FBXL2: variants seen among roughly 807,000 people sequenced by gnomAD.
The protein encoded by FBXL2 is F-box/LRR-repeat protein 2.
A neutral mutation model predicts 69.2 loss-of-function variants in FBXL2; 38 were observed. The ratio of observed to expected loss-of-function variants is 0.55; its 90% confidence interval spans 0.42 to 0.72. The LOEUF is 0.72. Ranked by LOEUF, FBXL2 falls within the 30% of genes least tolerant of loss-of-function variation. The pLI, the probability that FBXL2 is intolerant of heterozygous loss-of-function variation, is 0.00. For synonymous variants in FBXL2, 192 were observed against 201.3 expected, an observed-to-expected ratio of 0.95 and a Z score of 0.39; for missense variants, 354 against 520.3, an observed-to-expected ratio of 0.68 and a Z score of 3.11.
chr3:33,286,591 A>G (rs935722513), intron 1 of FBXL2, among the ~76,000 whole-genome samples: 3 of 152,264 alleles, frequency 2.0e-5, no homozygotes, highest in Admixed American at 1.3e-4. Context: ...TTAAGTCTGC[A>G]GAAGTTTCTG....
At chr3:33,379,292 G>A (rs765941418) in intron 13 of FBXL2, among the ~76,000 whole-genome samples, 7 of 151,376 alleles carry the variant, frequency 4.6e-5, no homozygotes, top group Non-Finnish European at 8.8e-5. Context: ...GTGAGCTACC[G>A]CACCTGACCT....
At chr3:33,404,807 G>A (rs901809854), downstream of FBXL2, among the ~76,000 whole-genome samples, 3 of 151,954 alleles carry the variant, frequency 2.0e-5, no homozygotes, top group African/African-American at 2.4e-5. Context: ...AATGTCCCTG[G>A]GATTTTTGAC....
chr3:33,302,942 T>G, intron 2 of FBXL2: 1 of 273,526 alleles, frequency 3.7e-6, no homozygotes, highest in Admixed American at 4.1e-5. Flanking sequence ...TGAAAATCAT[T>G]ATGGTTTTTG....
chr3:33,400,062 C>T (rs2044163252), intron 12 of FBXL2: 3 of 526,642 alleles, frequency 5.7e-6, no homozygotes, highest in Non-Finnish European at 9.2e-6. Context: ...AAGAACTTCT[C>T]TGTACATTTT....
At chr3:33,393,397 G>C (rs751356159) in intron 12 of FBXL2, 10 of 1,612,734 alleles carry the variant, frequency 6.2e-6, no homozygotes, top group African/African-American at 1.3e-5. Context: ...AAACACCAGC[G>C]CAAGTTTTCG....
chr3:33,350,763 G>T (rs1028016961), intron 2 of FBXL2, among the ~76,000 whole-genome samples: 2 of 152,000 alleles, frequency 1.3e-5, no homozygotes, highest in South Asian at 4.1e-4. Flanking sequence ...TGAGAAACTA[G>T]ATGCTTTCTC....
chr3:33,314,815 A>G (rs1001514263), intron 2 of FBXL2, among the ~76,000 whole-genome samples: 19 of 152,326 alleles, frequency 1.2e-4, no homozygotes, highest in African/African-American at 4.3e-4. Context: ...AAGTTTTCCA[A>G]AATTCTAACT....
At chr3:33,338,897 A>G (rs2039791668) in intron 2 of FBXL2, among the ~76,000 whole-genome samples, 1 of 152,194 alleles carries the variant, frequency 6.6e-6, no homozygotes. Context: ...CTCCAAAAGC[A>G]ATTGCAGCAA....
intron 9 of FBXL2, among the ~76,000 whole-genome samples, chr3:33,374,496 G>A (rs2042508179): frequency 6.6e-6 from 1 of 152,178 alleles, no homozygotes; most frequent in East Asian, 1.9e-4. Flanking sequence ...TAGATTTTGA[G>A]AAAGGTAAGG....
chr3:33,367,158 C>T (rs2042006784), intron 5 of FBXL2, among the ~76,000 whole-genome samples: 1 of 151,668 alleles, frequency 6.6e-6, no homozygotes, highest in Non-Finnish European at 1.5e-5. Context: ...TGCAATGGCA[C>T]AGTCTTGGCT....
At chr3:33,357,574 G>A (rs922875547) in intron 2 of FBXL2, among the ~76,000 whole-genome samples, 3 of 131,920 alleles carry the variant, frequency 2.3e-5, no homozygotes, top group African/African-American at 5.8e-5. Flanking sequence ...CTGTCGCCCA[G>A]GTTGGAGTGC....
At position 33,378,991 on chromosome 3, in the gene FBXL2, A is replaced by G. The variant is rs547148343; in HGVS notation, c.951+250A>G. Among the ~76,000 whole-genome samples, 10 of 152,240 alleles carry G rather than the reference A, an allele frequency of 6.6e-5. No homozygotes were observed. In the South Asian group the frequency reaches 2.1e-3, roughly 32 times the overall value. On this transcript the variant is annotated intron_variant, in intron 13 of 14. Coordinates refer to ENST00000484457, the MANE Select transcript of FBXL2 (RefSeq NM_012157.5). ...ATGGTTTTGTTGGGGAACTCTACCAAACATTTAAGGAATGAACATCTTTTT... is the reference window on the plus strand; with the variant it reads ...ATGGTTTTGTTGGGGAACTCTACCAGACATTTAAGGAATGAACATCTTTTT...
At chr3:33,394,860 C>A (rs920967612) in intron 12 of FBXL2, among the ~76,000 whole-genome samples, 5 of 148,546 alleles carry the variant, frequency 3.4e-5, no homozygotes, top group African/African-American at 5.0e-5. Context: ...ACTGGAACAG[C>A]CTTATCTACA....
chr3:33,351,541 A>G (rs1049158203), intron 2 of FBXL2, among the ~76,000 whole-genome samples: 2 of 152,224 alleles, frequency 1.3e-5, no homozygotes, highest in African/African-American at 4.8e-5. Context: ...TAATAAGTGA[A>G]GAGATATTAC....
chr3:33,388,891 A>G (rs989121236), downstream of FBXL2: 11 of 152,254 alleles, frequency 7.2e-5, no homozygotes, highest in African/African-American at 2.7e-4. Flanking sequence ...TTCAAACTCA[A>G]AATTACTCAT....
chr3:33,324,818 A>T (rs1035649975), intron 2 of FBXL2, among the ~76,000 whole-genome samples: 1 of 152,152 alleles, frequency 6.6e-6, no homozygotes, highest in Non-Finnish European at 1.5e-5. Flanking sequence ...AATTAAAAGC[A>T]GTTTTTTCTA....
In FBXL2 at chr3:33,373,565, C is replaced by G; in HGVS notation, c.456-13C>G. The G allele has an allele frequency of 6.2e-7, 1 of 1,614,090 alleles. No individual in the cohort carries two copies. Among genetic ancestry groups the G allele is most frequent in the Non-Finnish European group, 8.5e-7 (1 of 1,180,032 alleles). On this transcript the variant is annotated splice_polypyrimidine_tract_variant and intron_variant, in intron 7 of 14. Transcript: ENST00000484457. The stretch of plus-strand genomic sequence containing the variant: ...AGAGACTGCACATAAGTTTTTGTTT[C>G]TTGTTCTCTCAGTGAGGGCTGCCGA...
In FBXL2 at chr3:33,368,310, A is replaced by G. The variant is rs1294607900; in HGVS notation, c.290+3591A>G. Among the ~76,000 whole-genome samples, 4 of 152,344 alleles carry G rather than the reference A, an allele frequency of 2.6e-5. No homozygotes were observed. The East Asian group carries it at 5.8e-4, about 22-fold the overall frequency. ...AAAAGGAGTATTGAAATATCTGCCT[A>G]TAATTTTGCATTTGTCTATTTCTCC... On this transcript the variant is annotated intron_variant, in intron 5 of 14. Coordinates refer to ENST00000484457, the MANE Select transcript of FBXL2 (RefSeq NM_012157.5).
chr3:33,280,972 G>A (rs2125665764), intron 1 of FBXL2, among the ~76,000 whole-genome samples: 1 of 152,202 alleles, frequency 6.6e-6, no homozygotes, highest in Admixed American at 6.5e-5. Context: ...ACTTGTCACA[G>A]GTATTGGGAA....
Sources: gnomAD v4.1 joint callset for allele counts (sites outside exome capture counted in the v4.1 genomes callset) on GRCh38, gnomAD v4.1.1 for gene constraint, MANE v1.5 for transcripts, NCBI Gene and HGNC (gene_info 2026-07-23, HGNC 2026-07-21) for gene names.